Variants in LRRC4C observed in about 807,000 individuals in gnomAD.
LRRC4C encodes the protein leucine-rich repeat-containing protein 4C.
In LRRC4C, 5 loss-of-function variants were observed where a neutral mutation model predicts 33.6. That is an observed-to-expected ratio of 0.15 (90% CI 0.08 to 0.31). LRRC4C has a LOEUF of 0.31. LRRC4C is among the 10% of genes least tolerant of loss of function. The probability of loss-of-function intolerance (pLI) is 1.00; values close to 1 mark genes in which losing one functional copy is unlikely to be tolerated. For missense variants in LRRC4C, 560 were observed against 796.7 expected (o/e 0.70, Z 3.58); for synonymous variants, 329 against 302.0 (o/e 1.09, Z -0.93).
At chr11:40,845,303 C>T (rs1399815168) in intron 2 of LRRC4C, among the ~76,000 whole-genome samples, 4 of 152,126 alleles carry the variant, frequency 2.6e-5, no homozygotes, top group Admixed American at 2.0e-4. Context: ...TATCCCTCCC[C>T]TTGCCACCTA....
intron 1 of LRRC4C, among the ~76,000 whole-genome samples, chr11:41,371,623 G>A (rs1459983601): frequency 6.6e-6 from 1 of 152,202 alleles, no homozygotes; most frequent in Non-Finnish European, 1.5e-5. Flanking sequence ...ATAGTTTCTG[G>A]CATTGTGGAT....
rs910077803 is a variant in LRRC4C, at chr11:40,964,110, C to T, written c.-495-30387G>A. Among the ~76,000 whole-genome samples the T allele has an allele frequency of 3.3e-5, 5 of 151,360 alleles. No individual in the cohort carries two copies. The Admixed American group carries it at 3.3e-4, about 10-fold the overall frequency. On this transcript the variant is annotated intron_variant, in intron 1 of 6. Transcript: ENST00000528697. ...TGCCGCAGTTTCTTCATCTATCAAA[C>T]CAGCATAACAATAGTATGAACCTCA...
At chr11:41,017,598 A>G (rs902211696) in intron 1 of LRRC4C, among the ~76,000 whole-genome samples, 2 of 151,922 alleles carry the variant, frequency 1.3e-5, no homozygotes, top group Non-Finnish European at 2.9e-5. Flanking sequence ...TATTCTCCTC[A>G]TGGTTCTTAC....
intron 3 of LRRC4C, among the ~76,000 whole-genome samples, chr11:40,512,609 C>T (rs1223839523): frequency 6.6e-6 from 1 of 152,096 alleles, no homozygotes; most frequent in East Asian, 1.9e-4. Flanking sequence ...TCATTCCTTA[C>T]CCATGTAACA....
At chr11:40,629,029 A>T (rs933608524) in intron 3 of LRRC4C, among the ~76,000 whole-genome samples, 1 of 152,112 alleles carries the variant, frequency 6.6e-6, no homozygotes, top group African/African-American at 2.4e-5. Flanking sequence ...CAAAAAAACA[A>T]AAATTGAAGT....
intron 1 of LRRC4C, among the ~76,000 whole-genome samples, chr11:41,297,279 G>A (rs1042597026): frequency 2.0e-5 from 3 of 152,024 alleles, no homozygotes; most frequent in African/African-American, 7.2e-5. Context: ...TATTGGATTC[G>A]GTTTGCTAGT....
intron 2 of LRRC4C, among the ~76,000 whole-genome samples, chr11:40,912,549 C>T (rs1279200037): frequency 1.3e-5 from 2 of 152,296 alleles, no homozygotes; most frequent in Admixed American, 6.5e-5. Context: ...GAAGGAAGCG[C>T]TAAACATGGA....
chr11:40,920,560 C>T (rs1324602164), intron 2 of LRRC4C, among the ~76,000 whole-genome samples: 2 of 152,080 alleles, frequency 1.3e-5, no homozygotes, highest in African/African-American at 4.8e-5. Context: ...GCTAGGAAAG[C>T]ATACAATCAT....
intron 4 of LRRC4C, among the ~76,000 whole-genome samples, chr11:40,276,028 T>C (rs75270574): frequency 0.014 from 2,184 of 152,232 alleles, 56 homozygotes; most frequent in African/African-American, 0.047. Context: ...CATATTGGAA[T>C]TGAGAGAGAG....
intron 1 of LRRC4C, among the ~76,000 whole-genome samples, chr11:41,440,427 T>C (rs1565674950): frequency 6.6e-6 from 1 of 152,182 alleles, no homozygotes; most frequent in Non-Finnish European, 1.5e-5. Flanking sequence ...GTTTTATCTA[T>C]GGTCTCCTTT....
intron 4 of LRRC4C, among the ~76,000 whole-genome samples, chr11:40,263,634 C>T (rs1485576989): frequency 4.6e-5 from 7 of 152,084 alleles, no homozygotes; most frequent in East Asian, 1.9e-4. Flanking sequence ...AGACAACAGG[C>T]GCATGCCACA....
intron 2 of LRRC4C, among the ~76,000 whole-genome samples, chr11:40,774,040 T>G (rs975418226): frequency 6.6e-6 from 1 of 152,154 alleles, no homozygotes; most frequent in Admixed American, 6.5e-5. Flanking sequence ...TGGCAACTAT[T>G]AATCTGCTTT....
chr11:41,241,752 TC>T (rs1948259041), intron 1 of LRRC4C, among the ~76,000 whole-genome samples: 1 of 152,156 alleles, frequency 6.6e-6, no homozygotes, highest in Non-Finnish European at 1.5e-5. Context: ...CCCTCTTTCG[TC>T]CTTTTATCTG....
At chr11:40,860,697 T>A (rs1328605866) in intron 2 of LRRC4C, among the ~76,000 whole-genome samples, 1 of 149,084 alleles carries the variant, frequency 6.7e-6, no homozygotes, top group Non-Finnish European at 1.5e-5. Context: ...TCCTCCAGGA[T>A]AACCTCATTT....
intron 1 of LRRC4C, among the ~76,000 whole-genome samples, chr11:41,014,682 G>A (rs190781423): frequency 6.6e-6 from 1 of 152,124 alleles, no homozygotes; most frequent in African/African-American, 2.4e-5. Flanking sequence ...TTCAAAAAGG[G>A]CTGTCTAATA....
chr11:40,894,056 G>C (rs572908641), intron 2 of LRRC4C, among the ~76,000 whole-genome samples: 2 of 152,138 alleles, frequency 1.3e-5, no homozygotes, highest in Admixed American at 6.5e-5. Flanking sequence ...GCCAATTATA[G>C]CTGGTTCAGT....
At chr11:40,717,254 T>G (rs1451841225) in intron 2 of LRRC4C, among the ~76,000 whole-genome samples, 1 of 149,268 alleles carries the variant, frequency 6.7e-6, no homozygotes, top group Non-Finnish European at 1.5e-5. Context: ...GATTTTTAAG[T>G]TTTTTCAAAT....
intron 2 of LRRC4C, among the ~76,000 whole-genome samples, chr11:40,790,609 C>A (rs1356144697): frequency 2.0e-5 from 3 of 152,212 alleles, no homozygotes; most frequent in African/African-American, 7.2e-5. Context: ...ATGACCATTT[C>A]AAACAGAAGC....
Position 41,328,169 on chromosome 11 carries a change from G to A in LRRC4C, c.-496+131262C>T, listed in dbSNP as rs142879058. Among the ~76,000 whole-genome samples, 390 of 152,078 alleles carry A rather than the reference G, an allele frequency of 2.6e-3. 2 individuals carry two copies. The highest frequency in any genetic ancestry group is 4.2e-3 in the Non-Finnish European group (287 of 67,990). On this transcript the variant is annotated intron_variant, in intron 1 of 6. Coordinates refer to ENST00000528697, the MANE Select transcript of LRRC4C (RefSeq NM_001258419.2). The stretch of plus-strand genomic sequence containing the variant: ...CCACATTGATATTATCTTTCCTGTG[G>A]GCTAACTTCCCCTTTTCTTGTTATC...
Sources: gnomAD v4.1 joint callset for allele counts (sites outside exome capture counted in the v4.1 genomes callset) on GRCh38, gnomAD v4.1.1 for gene constraint, MANE v1.5 for transcripts, NCBI Gene and HGNC (gene_info 2026-07-23, HGNC 2026-07-21) for gene names.